FAM90A20: variants seen among roughly 807,000 people sequenced by gnomAD.
FAM90A20 encodes protein FAM90A20.
At chr8:7,297,175 A>T in the FAM90A20 span, 3 of 1,537,180 alleles carry the variant, frequency 2.0e-6, 1 homozygote, top group African/African-American at 5.9e-5. Context: ...TCTTGGCTTC[A>T]CTGTCTCCCC....
At chr8:7,297,602 C>G in the FAM90A20 span, 12 of 1,474,280 alleles carry the variant, frequency 8.1e-6, 3 homozygotes, top group African/African-American at 1.7e-4. Context: ...GGGAGGTGAG[C>G]TGGGGGCCCC....
the FAM90A20 span, chr8:7,297,119 G>A: frequency 6.6e-7 from 1 of 1,508,098 alleles, no homozygotes; most frequent in Non-Finnish European, 8.9e-7. Context: ...CATGGACCCT[G>A]TCCTCTCTGG....
the FAM90A20 span, chr8:7,296,421 G>C: frequency 8.2e-6 from 6 of 731,650 alleles, no homozygotes; most frequent in Non-Finnish European, 1.5e-5. Context: ...CGGGCCCCTG[G>C]TCCTTTTATC....
At chr8:7,297,409 C>T in the FAM90A20 span, 20 of 1,548,636 alleles carry the variant, frequency 1.3e-5, 2 homozygotes, top group East Asian at 6.7e-5. Flanking sequence ...AGGCACAAGA[C>T]AAACGTCCTG....
At chr8:7,295,735 G>C in the FAM90A20 span, 11 of 1,100,210 alleles carry the variant, frequency 1.0e-5, 1 homozygote, top group Non-Finnish European at 1.5e-5. Context: ...TGGGGAAAAA[G>C]GAAGGGAAGG....
chr8:7,296,268 T>A, the FAM90A20 span: 82 of 714,358 alleles, frequency 1.1e-4, 11 homozygotes, highest in Admixed American at 2.8e-4. Flanking sequence ...GGGCACGGCC[T>A]GACCTTTTTC....
chr8:7,297,937 T>G, the FAM90A20 span: 2 of 695,058 alleles, frequency 2.9e-6, no homozygotes, highest in African/African-American at 5.6e-5. Flanking sequence ...AGTCTGAGGC[T>G]CCCTGTGTTC....
At chr8:7,297,542 C>T in the FAM90A20 span, 1 of 1,524,434 alleles carries the variant, frequency 6.6e-7, no homozygotes, top group Admixed American at 1.7e-5. Context: ...CCTGAACTTC[C>T]CCAAGAAACC....
At chr8:7,296,920 G>A in the FAM90A20 span, 3 of 696,598 alleles carry the variant, frequency 4.3e-6, no homozygotes, top group Non-Finnish European at 7.1e-6. Context: ...CAGGTGGAGG[G>A]TCTGTCCCTA....
chr8:7,297,699 C>T, the FAM90A20 span: 1 of 1,429,948 alleles, frequency 7.0e-7, no homozygotes, highest in Non-Finnish European at 9.5e-7. Context: ...GCCCAGGTGC[C>T]CAGCGTTGAA....
the FAM90A20 span, chr8:7,297,378 T>A: frequency 4.0e-6 from 6 of 1,504,906 alleles, no homozygotes; most frequent in Non-Finnish European, 4.5e-6. Context: ...ACCCACGGCC[T>A]GCTCCAGGCC....
chr8:7,296,927 C>T, the FAM90A20 span: 6 of 740,822 alleles, frequency 8.1e-6, 1 homozygote, highest in Admixed American at 2.1e-5. Flanking sequence ...AGGGTCTGTC[C>T]CTACTTCCAA....
At chr8:7,297,106 G>C in the FAM90A20 span, 2 of 1,503,036 alleles carry the variant, frequency 1.3e-6, no homozygotes, top group Non-Finnish European at 1.8e-6. Flanking sequence ...GTAAGAGGCC[G>C]CGCATGGACC....
At chr8:7,295,938 A>T in the FAM90A20 span, 12 of 556,154 alleles carry the variant, frequency 2.2e-5, 1 homozygote, top group African/African-American at 9.8e-5. Context: ...CCAGGGAAGG[A>T]ACGCTGCAGA....
At chr8:7,295,766 C>G in the FAM90A20 span, 2 of 1,309,148 alleles carry the variant, frequency 1.5e-6, no homozygotes, top group Non-Finnish European at 2.1e-6. Flanking sequence ...ACCATGGAAG[C>G]CTGGGGTTGA....
At chr8:7,295,789 G>T in the FAM90A20 span, 3 of 1,219,120 alleles carry the variant, frequency 2.5e-6, no homozygotes, top group Non-Finnish European at 3.5e-6. Flanking sequence ...CCAACCCGGG[G>T]CCCTTGAACA....
chr8:7,295,800 A>T, the FAM90A20 span: 3 of 1,133,922 alleles, frequency 2.6e-6, no homozygotes, highest in South Asian at 1.2e-5. Flanking sequence ...CCCTTGAACA[A>T]GGATAAGGGA....
the FAM90A20 span, chr8:7,297,175 A>C: frequency 1.3e-6 from 2 of 1,537,180 alleles, no homozygotes; most frequent in Non-Finnish European, 8.8e-7. Context: ...TCTTGGCTTC[A>C]CTGTCTCCCC....
chr8:7,295,509 C>G, the FAM90A20 span: 1 of 548,290 alleles, frequency 1.8e-6, no homozygotes, highest in South Asian at 1.9e-5. Flanking sequence ...GGCCCCCATG[C>G]CGGTGTCCCC....
Sources: allele counts gnomAD v4.1 joint callset, GRCh38; gene constraint gnomAD v4.1.1; transcripts MANE v1.5; gene names NCBI Gene and HGNC (gene_info 2026-07-23, HGNC 2026-07-21).